Variants in FRMD4B observed in about 807,000 individuals in gnomAD.
FRMD4B encodes the protein FERM domain containing 4B.
In FRMD4B, 74 loss-of-function variants were observed where a neutral mutation model predicts 141.5. The ratio of observed to expected loss-of-function variants is 0.52; its 90% CI spans 0.43 to 0.63. FRMD4B has a LOEUF of 0.63. FRMD4B is among the 30% of genes least tolerant of loss of function. The pLI is 0.00. For missense variants in FRMD4B, 1,366 were observed against 1,253.4 expected (o/e 1.09, Z -1.36); for synonymous variants, 506 against 467.9 (o/e 1.08, Z -1.05).
chr3:69,314,094 G>C (rs1387462546), intron 1 of FRMD4B, among the ~76,000 whole-genome samples: 11 of 109,850 alleles, frequency 1.0e-4, no homozygotes, highest in Non-Finnish European at 1.5e-4. Flanking sequence ...AGCCGAGATC[G>C]CGCCACTGCA....
At chr3:69,363,572 G>C (rs1189900300) in intron 1 of FRMD4B, among the ~76,000 whole-genome samples, 1 of 151,846 alleles carries the variant, frequency 6.6e-6, no homozygotes, top group African/African-American at 2.4e-5. Context: ...TGTATTTTTA[G>C]TAGAGACGGA....
intron 1 of FRMD4B, among the ~76,000 whole-genome samples, chr3:69,496,526 A>G (rs541545897): frequency 9.9e-5 from 15 of 152,170 alleles, no homozygotes; most frequent in Non-Finnish European, 2.1e-4. Flanking sequence ...GTACAAGACT[A>G]TAAGCCATAA....
chr3:69,242,994 CAAAAA>C (rs34623002), intron 7 of FRMD4B, among the ~76,000 whole-genome samples: 2 of 111,786 alleles, frequency 1.8e-5, no homozygotes, highest in South Asian at 3.0e-4. Context: ...AACTCTGTCT[CAAAAA>C]AAAAAAAAAA....
chr3:69,175,718 A>AAAGAACAG (rs972058970), intron 22 of FRMD4B, among the ~76,000 whole-genome samples: 2 of 152,052 alleles, frequency 1.3e-5, no homozygotes, highest in African/African-American at 4.8e-5. Context: ...TGTACAGACT[A>AAAGAACAG]AAGAACAGAA....
intron 8 of FRMD4B, among the ~76,000 whole-genome samples, chr3:69,222,310 A>G (rs1575625620): frequency 6.6e-6 from 1 of 152,070 alleles, no homozygotes; most frequent in East Asian, 1.9e-4. Context: ...TACTAAAAAT[A>G]CAAAAAATTA....
At chr3:69,491,063 T>C (rs1706294762) in intron 1 of FRMD4B, among the ~76,000 whole-genome samples, 1 of 152,146 alleles carries the variant, frequency 6.6e-6, no homozygotes, top group Admixed American at 6.5e-5. Context: ...GAAAATTGTT[T>C]CAGTAAAACT....
chr3:69,436,249 T>A (rs1463214667), intron 1 of FRMD4B, among the ~76,000 whole-genome samples: 3 of 152,154 alleles, frequency 2.0e-5, no homozygotes, highest in Non-Finnish European at 4.4e-5. Context: ...AATAATGCAA[T>A]CAATATTCTG....
intron 1 of FRMD4B, among the ~76,000 whole-genome samples, chr3:69,497,319 A>T (rs773046716): frequency 6.6e-6 from 1 of 152,218 alleles, no homozygotes; most frequent in Non-Finnish European, 1.5e-5. Context: ...AAAGCTGACT[A>T]ATATACTTGT....
intron 11 of FRMD4B, among the ~76,000 whole-genome samples, chr3:69,208,055 T>C (rs1460826807): frequency 1.3e-5 from 2 of 151,448 alleles, no homozygotes; most frequent in Non-Finnish European, 2.9e-5. Flanking sequence ...AATTTTTGTA[T>C]TTTTATTTTT....
intron 1 of FRMD4B, among the ~76,000 whole-genome samples, chr3:69,335,454 C>A (rs552488554): frequency 4.7e-5 from 7 of 148,984 alleles, no homozygotes; most frequent in Admixed American, 1.3e-4. Flanking sequence ...CTCACTGCAA[C>A]CTCCACCTCC....
intron 1 of FRMD4B, among the ~76,000 whole-genome samples, chr3:69,517,144 T>G (rs937254548): frequency 6.6e-6 from 1 of 152,238 alleles, no homozygotes; most frequent in Non-Finnish European, 1.5e-5. Context: ...AGGTCATATC[T>G]CTGATACTAA....
chr3:69,288,673 C>T lies in FRMD4B; in HGVS notation c.417-837G>A, dbSNP rs558462377. On this transcript the variant is annotated intron_variant, in intron 4 of 22. Transcript: ENST00000398540. ...TGTGCGAGTGGGCAAGCTGGGGCCC[C>T]GAAGTTTTCCTCAAGTTCTGGAGCA... is the stretch of plus-strand genomic sequence containing the variant. Among the ~76,000 whole-genome samples, 72 of 152,260 alleles carry T rather than the reference C, an allele frequency of 4.7e-4. 1 individual carries two copies. The highest frequency in any genetic ancestry group is 3.8e-3 in the Admixed American group (58 of 15,292).
intron 1 of FRMD4B, among the ~76,000 whole-genome samples, chr3:69,517,994 A>G (rs951819169): frequency 1.4e-4 from 22 of 152,186 alleles, no homozygotes; most frequent in African/African-American, 3.9e-4. Context: ...CAAGTCCCCA[A>G]GAGATGCTGC....
chr3:69,310,445 G>A (rs1298091964), intron 3 of FRMD4B: 2 of 456,398 alleles, frequency 4.4e-6, no homozygotes, highest in Admixed American at 2.4e-5. Context: ...GGAGCTCTTT[G>A]GAAATTATCT....
At chr3:69,355,950 G>A (rs1027543336) in intron 1 of FRMD4B, among the ~76,000 whole-genome samples, 2 of 152,126 alleles carry the variant, frequency 1.3e-5, no homozygotes, top group African/African-American at 4.8e-5. Context: ...GCTTCAACCT[G>A]GGAGCCGGAG....
At chr3:69,311,940 A>T (rs978856296) in intron 2 of FRMD4B, among the ~76,000 whole-genome samples, 1 of 152,202 alleles carries the variant, frequency 6.6e-6, no homozygotes, top group Non-Finnish European at 1.5e-5. Context: ...TGAGTCAACC[A>T]AGGCCCAGAG....
At chr3:69,493,758 C>T (rs745985228) in intron 1 of FRMD4B, among the ~76,000 whole-genome samples, 53 of 152,188 alleles carry the variant, frequency 3.5e-4, no homozygotes, top group Middle Eastern at 3.4e-3. Context: ...ACCTTGCTTA[C>T]GGTTATCATC....
chr3:69,524,971 CTT>C (rs952184103), intron 1 of FRMD4B, among the ~76,000 whole-genome samples: 5 of 152,212 alleles, frequency 3.3e-5, no homozygotes, highest in African/African-American at 4.8e-5. Flanking sequence ...AAACTGGACT[CTT>C]TGGTTCAGAG....
chr3:69,446,588 T>C (rs1032569246), intron 1 of FRMD4B, among the ~76,000 whole-genome samples: 3 of 152,084 alleles, frequency 2.0e-5, no homozygotes, highest in African/African-American at 7.2e-5. Flanking sequence ...CCTTGGCCTC[T>C]CAAAATGCTG....
Sources: gnomAD v4.1 joint callset for allele counts (sites outside exome capture counted in the v4.1 genomes callset) on GRCh38, gnomAD v4.1.1 for gene constraint, MANE v1.5 for transcripts, NCBI Gene and HGNC (gene_info 2026-07-23, HGNC 2026-07-21) for gene names.